Variants in PLEKHH2 observed in about 807,000 individuals in gnomAD.
The protein encoded by PLEKHH2 is pleckstrin homology, MyTH4 and FERM domain containing H2.
Under a neutral mutation model 187.9 loss-of-function variants are expected in PLEKHH2, and 129 were observed. That is an observed-to-expected ratio of 0.69 (90% CI 0.59 to 0.79). The LOEUF (loss-of-function observed/expected upper bound fraction) is 0.79, where lower values mean the gene tolerates loss of function less well. Ranked by LOEUF, PLEKHH2 falls within the 30% of genes least tolerant of loss-of-function variation. PLEKHH2 has a pLI of 0.00. For missense variants in PLEKHH2, 2,076 were observed against 1,751.2 expected, an observed-to-expected ratio of 1.19 and a Z score of -3.31; for synonymous variants, 686 against 605.6, an observed-to-expected ratio of 1.13 and a Z score of -1.95.
intron 15 of PLEKHH2, among the ~76,000 whole-genome samples, chr2:43,719,944 A>G (rs1257071782): frequency 2.0e-5 from 3 of 152,156 alleles, no homozygotes; most frequent in African/African-American, 7.2e-5. Context: ...GCTATTGGAA[A>G]TCTGTGAAAT....
At chr2:43,715,800 C>G (rs934406858) in intron 15 of PLEKHH2, among the ~76,000 whole-genome samples, 4 of 152,112 alleles carry the variant, frequency 2.6e-5, no homozygotes, top group African/African-American at 9.7e-5. Context: ...AAAAGTCCAG[C>G]AGGCAGCAGA....
intron 3 of PLEKHH2, chr2:43,681,456 T>C: frequency 6.5e-7 from 1 of 1,546,088 alleles, no homozygotes; most frequent in Non-Finnish European, 8.7e-7. Context: ...ATCTTCTTCC[T>C]CTTCCTCTCC....
chr2:43,685,745 C>G (rs1017546250), intron 3 of PLEKHH2, among the ~76,000 whole-genome samples: 2 of 152,030 alleles, frequency 1.3e-5, no homozygotes, highest in Non-Finnish European at 2.9e-5. Flanking sequence ...CACGCCTGGC[C>G]CTAGTGCATC....
In PLEKHH2 at chr2:43,730,909, C is replaced by G. The variant is rs1251313134; in HGVS notation, c.2831-581C>G. 4.6e-5 allele frequency among the ~76,000 whole-genome samples: 7 copies of G among 152,290 alleles called. No individual in the cohort carries two copies. In the East Asian group the frequency reaches 1.3e-3, roughly 29 times the overall value. On this transcript the variant is annotated intron_variant, in intron 18 of 29. Coordinates refer to ENST00000282406, the MANE Select transcript of PLEKHH2 (RefSeq NM_172069.4). The stretch of plus-strand genomic sequence containing the variant: ...TCTAGAGAAGTTCTAGATCTTTCCC[C>G]AGCTCTTTCTCATATATAGTCATGC...
chr2:43,716,538 A>G (rs1039643054), intron 15 of PLEKHH2, among the ~76,000 whole-genome samples: 2 of 152,182 alleles, frequency 1.3e-5, no homozygotes, highest in African/African-American at 4.8e-5. Flanking sequence ...TTGAGTTTTT[A>G]TCGAATATTT....
intron 3 of PLEKHH2, among the ~76,000 whole-genome samples, chr2:43,682,583 G>A (rs1215741556): frequency 6.6e-6 from 1 of 152,166 alleles, no homozygotes; most frequent in Admixed American, 6.5e-5. Context: ...GGGATTACAG[G>A]CATGAGCCAC....
chr2:43,742,509 A>G (rs1267524353), intron 21 of PLEKHH2, among the ~76,000 whole-genome samples: 1 of 152,216 alleles, frequency 6.6e-6, no homozygotes, highest in East Asian at 1.9e-4. Context: ...ATAATAATAC[A>G]GTAAAGATGA....
At chr2:43,647,559 G>GTGTA (rs1191167850) in intron 2 of PLEKHH2, among the ~76,000 whole-genome samples, 1 of 152,064 alleles carries the variant, frequency 6.6e-6, no homozygotes, top group Admixed American at 6.6e-5. Context: ...CTACCTGTGT[G>GTGTA]TGTATGTATG....
chr2:43,650,642 T>C (rs1442450888), intron 2 of PLEKHH2, among the ~76,000 whole-genome samples: 3 of 150,678 alleles, frequency 2.0e-5, no homozygotes, highest in Non-Finnish European at 4.4e-5. Flanking sequence ...TTTCTTCTTT[T>C]CTTTTTTCTT....
At position 43,728,562 on chromosome 2, in the gene PLEKHH2, CTTTTT is replaced by C. The variant is rs112664271; in HGVS notation, c.2722-1062_2722-1058del. Among the ~76,000 whole-genome samples the C allele has an allele frequency of 7.7e-3, 1,051 of 135,754 alleles. 12 individuals are homozygous for C. Among genetic ancestry groups the C allele is most frequent in the Middle Eastern group, 0.028 (7 of 252 alleles). 89.1% of individuals were successfully genotyped at this position (135,754 alleles called of 152,430 possible). A position where few individuals can be genotyped will look rare whatever the true frequency, so the allele number is the denominator to read the frequency against. On this transcript the variant is annotated intron_variant, in intron 17 of 29. Coordinates refer to ENST00000282406, the MANE Select transcript of PLEKHH2 (RefSeq NM_172069.4). ...TGTATAGTTTGTTCAACACAATACT[CTTTTT>C]TTTTTTTTTTTTAAAACAGAGTTTC...
chr2:43,686,463 T>C (rs1572555196), intron 3 of PLEKHH2, among the ~76,000 whole-genome samples: 1 of 152,202 alleles, frequency 6.6e-6, no homozygotes, highest in East Asian at 1.9e-4. Context: ...TCCCAAAGTG[T>C]TGGGATTTCA....
At chr2:43,659,345 C>G (rs558538538) in intron 2 of PLEKHH2, among the ~76,000 whole-genome samples, 1 of 151,922 alleles carries the variant, frequency 6.6e-6, no homozygotes, top group African/African-American at 2.4e-5. Context: ...TTGTTTAACA[C>G]CTCCCTGCTG....
intron 3 of PLEKHH2, chr2:43,680,723 T>A: frequency 2.4e-6 from 1 of 411,194 alleles, no homozygotes; most frequent in Non-Finnish European, 4.7e-6. Flanking sequence ...AATTTATCAC[T>A]TGTAAATCTT....
At chr2:43,713,122 A>G (rs114256562) in intron 15 of PLEKHH2, among the ~76,000 whole-genome samples, 2,879 of 152,260 alleles carry the variant, frequency 0.019, 31 homozygotes, top group Non-Finnish European at 0.024. Context: ...ACACACGCAT[A>G]TATATCTCCT....
chr2:43,659,163 C>CTTTTTTTTTTTTT (rs888802992), intron 2 of PLEKHH2, among the ~76,000 whole-genome samples: 23 of 148,040 alleles, frequency 1.6e-4, no homozygotes, highest in African/African-American at 5.9e-4. Flanking sequence ...ATATTTTTTT[C>CTTTTTTTTTTTTT]TTTTTTTTGG....
intron 15 of PLEKHH2, among the ~76,000 whole-genome samples, chr2:43,717,225 C>A (rs1441704810): frequency 6.6e-6 from 1 of 152,142 alleles, no homozygotes; most frequent in Non-Finnish European, 1.5e-5. Flanking sequence ...TGAGACCAGC[C>A]TGGCCAACAT....
intron 2 of PLEKHH2, among the ~76,000 whole-genome samples, chr2:43,672,182 T>C (rs1159164828): frequency 2.0e-5 from 3 of 152,218 alleles, no homozygotes; most frequent in African/African-American, 7.2e-5. Flanking sequence ...TATTTCATAA[T>C]ATTGTTATCT....
intron 19 of PLEKHH2, 82 bp from the exon 20 acceptor site, chr2:43,738,259 C>T: frequency 8.4e-7 from 1 of 1,188,620 alleles, no homozygotes. Flanking sequence ...AAAACTACTG[C>T]TGAAAAGATA....
At chr2:43,648,858 G>A (rs1666325540) in intron 2 of PLEKHH2, among the ~76,000 whole-genome samples, 2 of 152,150 alleles carry the variant, frequency 1.3e-5, no homozygotes, top group South Asian at 4.1e-4. Context: ...GGGATTACAG[G>A]CGTGAGCCAC....
Sources: allele counts gnomAD v4.1 joint callset (sites outside exome capture counted in the v4.1 genomes callset), GRCh38; gene constraint gnomAD v4.1.1; transcripts MANE v1.5; gene names NCBI Gene and HGNC (gene_info 2026-07-23, HGNC 2026-07-21).